SOX5: variants seen among roughly 807,000 people sequenced by gnomAD.
SOX5 encodes the protein SRY-box transcription factor 5.
A neutral mutation model predicts 92.0 loss-of-function variants in SOX5; 9 were observed. The ratio of observed to expected loss-of-function variants is 0.10; its 90% CI spans 0.06 to 0.17. SOX5 has a LOEUF of 0.17. SOX5 is among the 10% of genes least tolerant of loss of function. The pLI is 1.00. For missense variants in SOX5, 642 were observed against 944.5 expected (o/e 0.68, Z 4.20); for synonymous variants, 344 against 336.3 (o/e 1.02, Z -0.25).
At chr12:24,505,874 C>CACGCGTGTGTGTGTGTGTGT (rs1555327846) in intron 1 of SOX5, among the ~76,000 whole-genome samples, 6 of 148,120 alleles carry the variant, frequency 4.1e-5, no homozygotes, top group East Asian at 4.1e-4. Flanking sequence ...TGTGTGTGTG[C>CACGCGTGTGTGTGTGTGTGT]GCATCACTGC....
intron 9 of SOX5, chr12:23,604,080 A>G (rs2074923763): frequency 4.3e-6 from 1 of 234,420 alleles, no homozygotes; most frequent in Non-Finnish European, 8.6e-6. Flanking sequence ...CTATTTGGCT[A>G]TTTTTATAAA....
intron 1 of SOX5, among the ~76,000 whole-genome samples, chr12:24,523,457 G>T (rs939982064): frequency 6.6e-6 from 1 of 152,156 alleles, no homozygotes; most frequent in Non-Finnish European, 1.5e-5. Context: ...AAAGAACAAA[G>T]CTGGAGGCAT....
chr12:23,868,117 C>G (rs2096835251), intron 2 of SOX5, among the ~76,000 whole-genome samples: 1 of 151,684 alleles, frequency 6.6e-6, no homozygotes, highest in Non-Finnish European at 1.5e-5. Flanking sequence ...CCCTGCCTTC[C>G]ACTTTTTTTT....
chr12:23,949,070 G>T (rs1181780679), intron 1 of SOX5, among the ~76,000 whole-genome samples: 2 of 152,066 alleles, frequency 1.3e-5, no homozygotes, highest in Non-Finnish European at 2.9e-5. Context: ...AAGGTCATGT[G>T]CTTTACTGAG....
chr12:23,866,197 A>C (rs76591186), intron 2 of SOX5, among the ~76,000 whole-genome samples: 5,083 of 152,326 alleles, frequency 0.033, 120 homozygotes, highest in South Asian at 0.065. Flanking sequence ...GCATAAGTAT[A>C]ACATAATAGC....
intron 2 of SOX5, among the ~76,000 whole-genome samples, chr12:23,868,845 C>A (rs10505910): frequency 0.049 from 7,437 of 152,038 alleles, 876 homozygotes; most frequent in East Asian, 0.47. Flanking sequence ...AAATTGAGTT[C>A]ATGAGATAGG....
intron 4 of SOX5, among the ~76,000 whole-genome samples, chr12:23,978,591 T>G (rs542638375): frequency 6.6e-6 from 1 of 152,308 alleles, no homozygotes; most frequent in South Asian, 2.1e-4. Context: ...TGTGAAATAT[T>G]TGCTTTAAAC....
At chr12:23,645,486 G>A (rs908769015) in intron 7 of SOX5, among the ~76,000 whole-genome samples, 1 of 152,174 alleles carries the variant, frequency 6.6e-6, no homozygotes, top group Non-Finnish European at 1.5e-5. Context: ...AGCTTAAGTA[G>A]TAGGAAGTAT....
chr12:24,368,605 C>T (rs1386657997), exon 2 of SOX5: 4 of 152,212 alleles, frequency 2.6e-5, no homozygotes, highest in African/African-American at 9.6e-5. Context: ...ACATATTTTT[C>T]ATCATCTTTG....
chr12:23,972,111 G>A (rs1948410613), intron 4 of SOX5, among the ~76,000 whole-genome samples: 1 of 152,076 alleles, frequency 6.6e-6, no homozygotes, highest in Admixed American at 6.5e-5. Context: ...CCTAAGGATG[G>A]GGGAGACCTG....
intron 4 of SOX5, among the ~76,000 whole-genome samples, chr12:24,042,724 C>T (rs1203208392): frequency 6.6e-6 from 1 of 152,032 alleles, no homozygotes; most frequent in South Asian, 2.1e-4. Context: ...TGGGTGTGTA[C>T]TTGCACTGAG....
chr12:23,610,762 T>A (rs571119619), intron 8 of SOX5, among the ~76,000 whole-genome samples: 44 of 152,218 alleles, frequency 2.9e-4, no homozygotes, highest in Non-Finnish European at 5.4e-4. Flanking sequence ...CTTATCAGCA[T>A]AAGAACAAAG....
At chr12:23,908,763 C>T (rs1027399126) in intron 1 of SOX5, among the ~76,000 whole-genome samples, 2 of 152,006 alleles carry the variant, frequency 1.3e-5, no homozygotes, top group Non-Finnish European at 2.9e-5. Flanking sequence ...TCCAAAACAG[C>T]GGGATGCAGC....
At chr12:23,897,979 G>A (rs1595473938) in intron 1 of SOX5, among the ~76,000 whole-genome samples, 1 of 152,098 alleles carries the variant, frequency 6.6e-6, no homozygotes, top group African/African-American at 2.4e-5. Context: ...GTGAGGAGCT[G>A]GAGTTAACAA....
At chr12:24,374,180 T>C (rs1957011281) in intron 1 of SOX5, among the ~76,000 whole-genome samples, 1 of 152,046 alleles carries the variant, frequency 6.6e-6, no homozygotes, top group Admixed American at 6.5e-5. Context: ...GTATTAATAT[T>C]TGGCTTCCAG....
intron 6 of SOX5, among the ~76,000 whole-genome samples, chr12:23,710,724 A>G (rs1457882025): frequency 1.3e-5 from 2 of 152,220 alleles, no homozygotes; most frequent in East Asian, 3.8e-4. Flanking sequence ...CCTTTATAGC[A>G]GCATGATTTA....
intron 3 of SOX5, among the ~76,000 whole-genome samples, chr12:23,773,859 G>A (rs2095017808): frequency 6.6e-6 from 1 of 152,126 alleles, no homozygotes; most frequent in African/African-American, 2.4e-5. Flanking sequence ...GCTGACATTT[G>A]CAGGTTGCTA....
chr12:24,477,452 A>T (rs1945520122), intron 1 of SOX5, among the ~76,000 whole-genome samples: 1 of 152,086 alleles, frequency 6.6e-6, no homozygotes, highest in Admixed American at 6.5e-5. Flanking sequence ...TTACATTGCT[A>T]TATGCTATAC....
intron 3 of SOX5, chr12:24,227,847 T>C (rs1962426050): frequency 1.3e-5 from 2 of 152,202 alleles, no homozygotes; most frequent in African/African-American, 2.4e-5. Flanking sequence ...ATAAGTAAAA[T>C]GAAAGCATAG....
Sources: gnomAD v4.1 joint callset for allele counts (sites outside exome capture counted in the v4.1 genomes callset) on GRCh38, gnomAD v4.1.1 for gene constraint, MANE v1.5 for transcripts, NCBI Gene and HGNC (gene_info 2026-07-23, HGNC 2026-07-21) for gene names.